The following CSMD1 variants were observed in gnomAD, a reference collection of about 807,000 sequenced individuals.
The protein encoded by CSMD1 is CUB and sushi domain-containing protein 1.
CSMD1 carries 213 observed loss-of-function variants against 417.5 expected under a neutral mutation model. The ratio of observed to expected loss-of-function variants is 0.51; its 90% confidence interval spans 0.46 to 0.57. The LOEUF is 0.57. CSMD1 is among the 20% of genes least tolerant of loss of function. The probability of loss-of-function intolerance (pLI) is 0.00; values close to 1 mark genes in which losing one functional copy is unlikely to be tolerated. For synonymous variants in CSMD1, 2,862 were observed against 1,736.8 expected, an observed-to-expected ratio of 1.65 and a Z score of -16.11; for missense variants, 6,923 against 4,529.7, an observed-to-expected ratio of 1.53 and a Z score of -15.17.
At chr8:3,738,787 G>A (rs1376459261) in intron 6 of CSMD1, among the ~76,000 whole-genome samples, 3 of 152,186 alleles carry the variant, frequency 2.0e-5, no homozygotes, top group South Asian at 2.1e-4. Context: ...TCAACTGGGT[G>A]CACTATACAG....
At chr8:4,078,901 A>ATG (rs1209900798) in intron 3 of CSMD1, among the ~76,000 whole-genome samples, 2 of 18,342 alleles carry the variant, frequency 1.1e-4, no homozygotes, top group African/African-American at 3.3e-4. Flanking sequence ...TAATAAATAT[A>ATG]TATATATATA....
intron 3 of CSMD1, among the ~76,000 whole-genome samples, chr8:4,252,248 G>C (rs1803130471): frequency 6.6e-6 from 1 of 152,272 alleles, no homozygotes; most frequent in South Asian, 2.1e-4. Flanking sequence ...TCCGTTCCTG[G>C]CTTCAGCCTT....
chr8:4,159,871 T>C (rs1040056096), intron 3 of CSMD1, among the ~76,000 whole-genome samples: 3 of 152,016 alleles, frequency 2.0e-5, no homozygotes, highest in Admixed American at 2.0e-4. Flanking sequence ...TTCTCACCCA[T>C]AAGTGCGAGC....
At chr8:4,907,123 G>C (rs1180955422) in intron 1 of CSMD1, among the ~76,000 whole-genome samples, 4 of 152,196 alleles carry the variant, frequency 2.6e-5, no homozygotes, top group Non-Finnish European at 5.9e-5. Flanking sequence ...CTTTCTGTGT[G>C]TGCAAGAGTT....
At chr8:4,665,941 A>C (rs1355835822) in intron 1 of CSMD1, among the ~76,000 whole-genome samples, 2 of 152,232 alleles carry the variant, frequency 1.3e-5, no homozygotes, top group Non-Finnish European at 2.9e-5. Context: ...ATGTTTGCCA[A>C]CATGACCGTG....
intron 4 of CSMD1, 67 bp from the exon 5 acceptor site, chr8:3,998,177 C>G: frequency 2.9e-5 from 39 of 1,350,806 alleles, no homozygotes; most frequent in South Asian, 5.3e-5. Context: ...AGTGTGTCCA[C>G]CAAGTGTCAC....
intron 1 of CSMD1, among the ~76,000 whole-genome samples, chr8:4,783,498 T>C (rs986541254): frequency 6.6e-6 from 1 of 152,220 alleles, no homozygotes; most frequent in Non-Finnish European, 1.5e-5. Context: ...AGTATTGTCA[T>C]TAAATAAAGA....
At chr8:3,970,958 C>T (rs1369206468) in intron 5 of CSMD1, among the ~76,000 whole-genome samples, 1 of 152,060 alleles carries the variant, frequency 6.6e-6, no homozygotes, top group Non-Finnish European at 1.5e-5. Flanking sequence ...ACCATGTTGG[C>T]CGGGCTGGTC....
At chr8:4,361,799 C>CA (rs1249831745) in intron 3 of CSMD1, among the ~76,000 whole-genome samples, 2 of 151,892 alleles carry the variant, frequency 1.3e-5, no homozygotes, top group East Asian at 1.9e-4. Context: ...ACTAAAAATA[C>CA]AAAAAACTAG....
At chr8:3,635,214 G>A (rs1355604298) in intron 7 of CSMD1, among the ~76,000 whole-genome samples, 2 of 152,044 alleles carry the variant, frequency 1.3e-5, no homozygotes, top group African/African-American at 4.8e-5. Context: ...AGTGGCTCAC[G>A]CCTGTAATCC....
At chr8:4,613,395 A>G (rs1221728692) in intron 2 of CSMD1, among the ~76,000 whole-genome samples, 1 of 152,192 alleles carries the variant, frequency 6.6e-6, no homozygotes, top group Non-Finnish European at 1.5e-5. Flanking sequence ...AAGAGAAATT[A>G]GAGCTTAGGC....
intron 12 of CSMD1, among the ~76,000 whole-genome samples, chr8:3,464,766 A>G (rs1816705767): frequency 6.6e-6 from 1 of 152,068 alleles, no homozygotes; most frequent in African/African-American, 2.4e-5. Flanking sequence ...ATTAATTTAC[A>G]TCCTGCTTCT....
chr8:3,240,492 G>A lies in CSMD1; in HGVS notation c.4154-10261C>T, dbSNP rs187371461. On this transcript the variant is annotated intron_variant, in intron 26 of 69. Transcript: ENST00000635120. ...TGAACACGATTGGCAGGGAGAGCAC[G>A]TGTGTTTTTATGAGAATTACGCCGA... 3.0e-3 allele frequency among the ~76,000 whole-genome samples: 450 copies of A among 152,152 alleles called. 4 individuals are homozygous for A. Among genetic ancestry groups the A allele is most frequent in the African/African-American group, 0.011 (441 of 41,514 alleles).
intron 3 of CSMD1, among the ~76,000 whole-genome samples, chr8:4,218,228 G>C (rs986156234): frequency 6.6e-6 from 1 of 152,146 alleles, no homozygotes; most frequent in Admixed American, 6.5e-5. Flanking sequence ...CATTTTATGA[G>C]TATCCCAGGG....
intron 1 of CSMD1, among the ~76,000 whole-genome samples, chr8:4,709,832 C>G (rs778453391): frequency 6.6e-6 from 1 of 152,002 alleles, no homozygotes; most frequent in Admixed American, 6.6e-5. Context: ...CCAGTCGTCC[C>G]GCAGAGTAAA....
chr8:3,931,317 A>G (rs940984295), intron 5 of CSMD1, among the ~76,000 whole-genome samples: 1 of 150,540 alleles, frequency 6.6e-6, no homozygotes, highest in Non-Finnish European at 1.5e-5. Flanking sequence ...AATATTTAAG[A>G]ACTAGAAGTC....
chr8:3,006,129 C>T (rs1408556557), intron 52 of CSMD1, among the ~76,000 whole-genome samples: 1 of 151,262 alleles, frequency 6.6e-6, no homozygotes, highest in African/African-American at 2.4e-5. Context: ...ACACCAACAA[C>T]AGACAAACAG....
At chr8:4,681,370 G>T (rs1469950114) in intron 1 of CSMD1, among the ~76,000 whole-genome samples, 1 of 152,204 alleles carries the variant, frequency 6.6e-6, no homozygotes, top group Admixed American at 6.5e-5. Context: ...GCTAATTTCA[G>T]TGGGCATTCT....
At chr8:3,808,926 G>A (rs932820122) in intron 5 of CSMD1, among the ~76,000 whole-genome samples, 4 of 152,132 alleles carry the variant, frequency 2.6e-5, no homozygotes, top group African/African-American at 9.7e-5. Context: ...CCTCAATTCC[G>A]TGTTAGTGCT....
Sources: gnomAD v4.1 joint callset for allele counts (sites outside exome capture counted in the v4.1 genomes callset) on GRCh38, gnomAD v4.1.1 for gene constraint, MANE v1.5 for transcripts, NCBI Gene and HGNC (gene_info 2026-07-23, HGNC 2026-07-21) for gene names.